The following RPS6KA5 variants were observed in gnomAD, a reference collection of about 807,000 sequenced individuals.
RPS6KA5 encodes ribosomal protein S6 kinase A5.
RPS6KA5 carries 27 observed loss-of-function variants against 85.5 expected under a neutral mutation model. The observed-to-expected ratio is 0.32, with a 90% CI of 0.23 to 0.44. The LOEUF is 0.44. Among genes scored for constraint, RPS6KA5 ranks in the 20% least tolerant of loss-of-function variants. The pLI, the probability that RPS6KA5 is intolerant of heterozygous loss-of-function variation, is 1.00. For missense variants in RPS6KA5, 811 were observed against 980.9 expected (o/e 0.83, Z 2.31); for synonymous variants, 334 against 348.2 (o/e 0.96, Z 0.46).
At position 91,052,788 on chromosome 14, in the gene RPS6KA5, C is replaced by T. The variant is rs749045339; in HGVS notation, c.103+7544G>A. Among the ~76,000 whole-genome samples the T allele has an allele frequency of 6.7e-4, 97 of 145,762 alleles. 1 individual carries two copies. The highest frequency in any genetic ancestry group is 5.1e-4 in the Non-Finnish European group (34 of 67,248). On this transcript the variant is annotated intron_variant, in intron 1 of 16. Transcript: ENST00000614987. The stretch of plus-strand genomic sequence containing the variant: ...GGCAGAGCTGGCAGTGAGCAGAGTT[C>T]GCGTCACTGTACTCCAGCCTGGGAA...
At chr14:91,002,963 C>T (rs1454085253) in intron 1 of RPS6KA5, among the ~76,000 whole-genome samples, 1 of 152,070 alleles carries the variant, frequency 6.6e-6, no homozygotes, top group East Asian at 1.9e-4. Context: ...ATATCAAAAA[C>T]ATAGGTAGTA....
chr14:91,026,377 T>C (rs1300723879), intron 1 of RPS6KA5, among the ~76,000 whole-genome samples: 1 of 152,066 alleles, frequency 6.6e-6, no homozygotes, highest in Non-Finnish European at 1.5e-5. Context: ...GCAATGGCTG[T>C]ATACCACCAT....
At chr14:90,941,390 C>G (rs1566769403) in intron 5 of RPS6KA5, among the ~76,000 whole-genome samples, 1 of 152,168 alleles carries the variant, frequency 6.6e-6, no homozygotes, top group Non-Finnish European at 1.5e-5. Flanking sequence ...CTCCTCCAGA[C>G]TCCTGCCTGG....
intron 3 of RPS6KA5, among the ~76,000 whole-genome samples, chr14:90,956,647 C>G (rs1189471509): frequency 1.3e-5 from 2 of 150,290 alleles, no homozygotes; most frequent in Non-Finnish European, 3.0e-5. Context: ...ATTTTAATTC[C>G]TTTAATACTT....
intron 2 of RPS6KA5, among the ~76,000 whole-genome samples, chr14:90,985,621 T>C (rs1303536542): frequency 1.3e-5 from 2 of 152,238 alleles, no homozygotes; most frequent in Non-Finnish European, 2.9e-5. Context: ...TTATTAACTA[T>C]TGAACTTGAA....
intron 1 of RPS6KA5, among the ~76,000 whole-genome samples, chr14:91,051,300 C>T (rs368756291): frequency 6.6e-6 from 1 of 151,414 alleles, no homozygotes; most frequent in African/African-American, 2.4e-5. Flanking sequence ...AATCACTAGC[C>T]GGGAATGGTG....
At chr14:90,932,810 C>T (rs917719756) in intron 5 of RPS6KA5, among the ~76,000 whole-genome samples, 9 of 152,136 alleles carry the variant, frequency 5.9e-5, no homozygotes, top group African/African-American at 2.2e-4. Context: ...CCCACTTTAC[C>T]TGCTGTATTA....
chr14:90,917,667 C>T (rs1218940324), intron 7 of RPS6KA5, among the ~76,000 whole-genome samples: 3 of 152,020 alleles, frequency 2.0e-5, no homozygotes, highest in Admixed American at 6.6e-5. Context: ...TATATTTTCT[C>T]GCTTCTTTCA....
chr14:91,009,786 T>C (rs1367205065), intron 1 of RPS6KA5, among the ~76,000 whole-genome samples: 1 of 152,076 alleles, frequency 6.6e-6, no homozygotes, highest in Non-Finnish European at 1.5e-5. Context: ...ACAGAGTTAC[T>C]AGGAGAAAGG....
At chr14:90,908,261 C>T (rs1436344399) in intron 7 of RPS6KA5, among the ~76,000 whole-genome samples, 2 of 152,166 alleles carry the variant, frequency 1.3e-5, no homozygotes, top group African/African-American at 4.8e-5. Context: ...ATGCAGGGAG[C>T]TAGAATTTTA....
intron 8 of RPS6KA5, among the ~76,000 whole-genome samples, chr14:90,905,121 G>A (rs1298965638): frequency 6.6e-6 from 1 of 152,068 alleles, no homozygotes; most frequent in East Asian, 1.9e-4. Context: ...ATGTGCAGTA[G>A]TATTATAAAA....
intron 3 of RPS6KA5, among the ~76,000 whole-genome samples, chr14:90,957,920 T>C (rs924174990): frequency 3.3e-5 from 5 of 151,570 alleles, no homozygotes; most frequent in African/African-American, 1.2e-4. Context: ...GGTAGAAGGA[T>C]AGCTTGAGGC....
intron 1 of RPS6KA5, among the ~76,000 whole-genome samples, chr14:91,023,768 ATTTAT>A (rs57053417): frequency 0.51 from 77,587 of 151,686 alleles, 19,945 homozygotes; most frequent in East Asian, 0.55. Flanking sequence ...TCCGTTTATA[ATTTAT>A]TTTATCTTTT....
At chr14:91,043,525 A>G (rs541088172) in intron 1 of RPS6KA5, among the ~76,000 whole-genome samples, 4 of 152,284 alleles carry the variant, frequency 2.6e-5, no homozygotes, top group Admixed American at 2.0e-4. Flanking sequence ...TGAGCACACT[A>G]AGACTCAGTT....
At chr14:91,055,653 C>T (rs950754089) in intron 1 of RPS6KA5, among the ~76,000 whole-genome samples, 1 of 152,042 alleles carries the variant, frequency 6.6e-6, no homozygotes, top group East Asian at 1.9e-4. Context: ...GGTGCATGCC[C>T]GTAGTCCCAG....
intron 1 of RPS6KA5, among the ~76,000 whole-genome samples, chr14:91,027,897 GAGAGCC>G: frequency 6.6e-6 from 1 of 152,292 alleles, no homozygotes; most frequent in South Asian, 2.1e-4. Context: ...GTGTCAGATG[GAGAGCC>G]AGAATCTCCA....
chr14:90,915,668 G>A (rs1006145856), intron 7 of RPS6KA5, among the ~76,000 whole-genome samples: 1 of 151,968 alleles, frequency 6.6e-6, no homozygotes, highest in East Asian at 1.9e-4. Context: ...TTAGGTGGGC[G>A]TGGTGGCATG....
At chr14:91,050,188 G>A (rs1180628669) in intron 1 of RPS6KA5, among the ~76,000 whole-genome samples, 1 of 151,898 alleles carries the variant, frequency 6.6e-6, no homozygotes, top group African/African-American at 2.4e-5. Flanking sequence ...GGCCAGCCTG[G>A]GCAACATAGC....
intron 1 of RPS6KA5, among the ~76,000 whole-genome samples, chr14:91,056,837 C>T (rs1175401263): frequency 1.4e-5 from 2 of 138,696 alleles, no homozygotes; most frequent in African/African-American, 6.0e-5. Context: ...CTTGAATATC[C>T]CTTTACTGTT....
Sources: gnomAD v4.1 joint callset for allele counts (sites outside exome capture counted in the v4.1 genomes callset) on GRCh38, gnomAD v4.1.1 for gene constraint, MANE v1.5 for transcripts, NCBI Gene and HGNC (gene_info 2026-07-23, HGNC 2026-07-21) for gene names.